The following CCDC57 variants were observed in gnomAD, a reference collection of about 807,000 sequenced individuals.
CCDC57 encodes coiled-coil domain containing 57.
In CCDC57, 118 loss-of-function variants were observed where a neutral mutation model predicts 118.9. The ratio of observed to expected loss-of-function variants is 0.99; its 90% CI spans 0.86 to 1.16. The LOEUF is 1.16. CCDC57 is among the 50% of genes most tolerant of loss of function. The probability of loss-of-function intolerance (pLI) is 0.00; values close to 1 mark genes in which losing one functional copy is unlikely to be tolerated. For missense variants in CCDC57, 1,300 were observed against 1,320.7 expected (o/e 0.98, Z 0.24); for synonymous variants, 527 against 532.9 (o/e 0.99, Z 0.15).
At chr17:82,167,562 G>A (rs1212168857) in intron 13 of CCDC57, among the ~76,000 whole-genome samples, 1 of 151,922 alleles carries the variant, frequency 6.6e-6, no homozygotes, top group Non-Finnish European at 1.5e-5. Flanking sequence ...CTTTGGCCAG[G>A]CTGGTCTTGA....
At chr17:82,206,419 T>G (rs2049651145) in intron 2 of CCDC57, among the ~76,000 whole-genome samples, 2 of 152,204 alleles carry the variant, frequency 1.3e-5, no homozygotes. Context: ...CACTCTCACC[T>G]GACTTTCCAT....
chr17:82,162,384 T>A (rs543051019), intron 14 of CCDC57, among the ~76,000 whole-genome samples: 1 of 152,128 alleles, frequency 6.6e-6, no homozygotes, highest in South Asian at 2.1e-4. Flanking sequence ...CCCAGCCCCA[T>A]GGGAAACAGG....
chr17:82,121,605 T>C (rs562268273), intron 19 of CCDC57, among the ~76,000 whole-genome samples: 1 of 152,186 alleles, frequency 6.6e-6, no homozygotes, highest in African/African-American at 2.4e-5. Context: ...CAGGGGATGG[T>C]GGGAGTGTCT....
At chr17:82,183,858 G>C (rs748672072) in exon 9 of CCDC57, 4 of 1,613,032 alleles carry the variant, frequency 2.5e-6, no homozygotes, top group Admixed American at 1.7e-5. Flanking sequence ...AAGGTCTCTG[G>C]AGACCATCTC....
intron 3 of CCDC57, among the ~76,000 whole-genome samples, chr17:82,201,124 C>T (rs2146897244): frequency 6.6e-6 from 1 of 152,356 alleles, no homozygotes. Flanking sequence ...GGCCCCACAA[C>T]AAAGGCTTTA....
chr17:82,124,711 A>T (rs928605402), intron 19 of CCDC57, among the ~76,000 whole-genome samples: 1 of 151,968 alleles, frequency 6.6e-6, no homozygotes, highest in African/African-American at 2.4e-5. Flanking sequence ...TGGGAGAATC[A>T]CTTGAGCCCA....
rs774300805 is a variant in CCDC57, at chr17:82,192,773, T to C, written c.851+983A>G. On this transcript the variant is annotated intron_variant, in intron 7 of 19. Transcript: ENST00000665763. The surrounding 1 kb of genome is among the most constrained non-coding windows in gnomAD (Gnocchi z 4.0). ...CTGGAAAGCAGCTTCCCACTGCAGA[T>C]CTGATTAGAAACAGCACAGACAGTG... Among the ~76,000 whole-genome samples the C allele has an allele frequency of 1.7e-4, 26 of 152,228 alleles. No homozygotes were observed. Among genetic ancestry groups the C allele is most frequent in the Non-Finnish European group, 3.4e-4 (23 of 68,038 alleles).
intron 13 of CCDC57, among the ~76,000 whole-genome samples, chr17:82,170,292 G>A (rs549914209): frequency 8.3e-4 from 127 of 152,214 alleles, no homozygotes; most frequent in Middle Eastern, 6.8e-3. Context: ...GGCAGATCAC[G>A]AGGTCAGGAG....
At chr17:82,204,152 T>C (rs1313262081) in intron 2 of CCDC57, among the ~76,000 whole-genome samples, 1 of 152,096 alleles carries the variant, frequency 6.6e-6, no homozygotes, top group African/African-American at 2.4e-5. Flanking sequence ...CCATCCCACA[T>C]GCTTCCTGCG....
At chr17:82,110,791 G>A (rs1218079102) in intron 19 of CCDC57, among the ~76,000 whole-genome samples, 7 of 152,118 alleles carry the variant, frequency 4.6e-5, no homozygotes, top group Admixed American at 2.0e-4. Flanking sequence ...TTGGGAGGCC[G>A]AGGCGGGCGG....
At chr17:82,138,083 A>C (rs1351009656) in intron 16 of CCDC57, among the ~76,000 whole-genome samples, 1 of 151,252 alleles carries the variant, frequency 6.6e-6, no homozygotes, top group African/African-American at 2.4e-5. Context: ...ATTAGGTACA[A>C]GGTGGGGTGT....
At chr17:82,201,157 A>C (rs903206845) in intron 3 of CCDC57, among the ~76,000 whole-genome samples, 2 of 152,232 alleles carry the variant, frequency 1.3e-5, no homozygotes, top group African/African-American at 4.8e-5. Flanking sequence ...GACTTGCCTT[A>C]AGTCAGCTCA....
At chr17:82,168,940 C>G (rs1384603898) in intron 13 of CCDC57, among the ~76,000 whole-genome samples, 1 of 152,126 alleles carries the variant, frequency 6.6e-6, no homozygotes, top group Non-Finnish European at 1.5e-5. Context: ...CCACTACCCC[C>G]ACCACAAAAA....
chr17:82,128,591 T>C, exon 18 of CCDC57: 2 of 1,561,824 alleles, frequency 1.3e-6, no homozygotes, highest in Non-Finnish European at 1.7e-6. Context: ...TCGGCACTCT[T>C]GGCGTCCTGC....
chr17:82,123,237 C>T (rs574990097), intron 19 of CCDC57, among the ~76,000 whole-genome samples: 70 of 150,372 alleles, frequency 4.7e-4, no homozygotes, highest in Non-Finnish European at 8.1e-4. Context: ...AAGTGATCCT[C>T]CTGCCTCTGT....
chr17:82,201,685 G>C (rs753259249), exon 3 of CCDC57: 3 of 1,613,306 alleles, frequency 1.9e-6, no homozygotes, highest in Non-Finnish European at 2.5e-6. Flanking sequence ...TGCCCGCCTG[G>C]CCTCTTCCCA....
intron 4 of CCDC57, among the ~76,000 whole-genome samples, chr17:82,197,667 AAAAAATTATTTCTGGG>A (rs1321524332): frequency 6.6e-6 from 1 of 152,204 alleles, no homozygotes; most frequent in Non-Finnish European, 1.5e-5. Flanking sequence ...GATAGCTGGT[AAAAAATTATTTCTGGG>A]AGTGTCTGCA....
intron 1 of CCDC57, among the ~76,000 whole-genome samples, chr17:82,210,613 G>A (rs2050105873): frequency 6.6e-6 from 1 of 151,422 alleles, no homozygotes; most frequent in Non-Finnish European, 1.5e-5. Context: ...CCGGGAGGCA[G>A]AGGTTGCAGT....
intron 13 of CCDC57, among the ~76,000 whole-genome samples, chr17:82,166,898 A>G (rs1387660167): frequency 6.6e-6 from 1 of 152,180 alleles, no homozygotes; most frequent in East Asian, 1.9e-4. Context: ...ACTGGACAAC[A>G]GAGCAAGGCC....
Sources: allele counts gnomAD v4.1 joint callset (sites outside exome capture counted in the v4.1 genomes callset), GRCh38; gene constraint gnomAD v4.1.1; non-coding constraint Gnocchi (gnomAD v3.1); transcripts MANE v1.5; gene names NCBI Gene and HGNC (gene_info 2026-07-23, HGNC 2026-07-21).